Variants in SLC25A21 observed in about 807,000 individuals in gnomAD.
SLC25A21 encodes mitochondrial 2-oxodicarboxylate carrier.
SLC25A21 carries 47 observed loss-of-function variants against 43.8 expected under a neutral mutation model. The ratio of observed to expected loss-of-function variants is 1.07; its 90% CI spans 0.85 to 1.37. The LOEUF (loss-of-function observed/expected upper bound fraction) is 1.37, where lower values mean the gene tolerates loss of function less well. SLC25A21 is among the 40% of genes most tolerant of loss of function. The pLI is 0.00. For missense variants in SLC25A21, 352 were observed against 350.2 expected (o/e 1.00, Z -0.04); for synonymous variants, 131 against 121.3 (o/e 1.08, Z -0.52).
At chr14:36,828,967 T>C (rs1003413053) in intron 2 of SLC25A21, among the ~76,000 whole-genome samples, 3 of 152,050 alleles carry the variant, frequency 2.0e-5, no homozygotes, top group African/African-American at 7.2e-5. Context: ...AGTGGTGAAA[T>C]CTCACCTCAC....
At chr14:36,983,683 C>G (rs1178312971) in intron 1 of SLC25A21, among the ~76,000 whole-genome samples, 1 of 152,176 alleles carries the variant, frequency 6.6e-6, no homozygotes, top group Non-Finnish European at 1.5e-5. Flanking sequence ...ATCACCTGCA[C>G]TCGAATGTTT....
chr14:36,950,458 G>A (rs902896738), intron 1 of SLC25A21, among the ~76,000 whole-genome samples: 2 of 152,156 alleles, frequency 1.3e-5, no homozygotes, highest in Non-Finnish European at 2.9e-5. Context: ...TGAGAACATA[G>A]CAAGAAAGTT....
intron 1 of SLC25A21, among the ~76,000 whole-genome samples, chr14:37,098,734 TAGATAGATAGATAGACAGACAGAC>T (rs1279143101): frequency 0.016 from 149 of 9,238 alleles, 1 homozygote; most frequent in South Asian, 0.026. Flanking sequence ...GATAGATAGA[TAGATAGATAGATAGACAGACAGAC>T]AGACAGACAG....
At chr14:36,735,860 AGCTTATGGATCT>A (rs1367220615) in intron 3 of SLC25A21, among the ~76,000 whole-genome samples, 179 of 147,968 alleles carry the variant, frequency 1.2e-3, no homozygotes, top group Middle Eastern at 0.01. Context: ...ATATTTGTTA[AGCTTATGGATCT>A]CATAAAGAGG....
intron 3 of SLC25A21, among the ~76,000 whole-genome samples, chr14:36,762,888 T>A (rs1430129799): frequency 6.6e-6 from 1 of 152,328 alleles, no homozygotes; most frequent in South Asian, 2.1e-4. Flanking sequence ...TAAGAATACG[T>A]CATTATCTTG....
intron 6 of SLC25A21, among the ~76,000 whole-genome samples, chr14:36,714,434 C>T (rs1594516257): frequency 6.6e-6 from 1 of 152,286 alleles, no homozygotes; most frequent in East Asian, 1.9e-4. Context: ...CAGTGCCTCA[C>T]CCAGGAGCTT....
At chr14:37,042,800 C>T (rs776124453) in intron 1 of SLC25A21, among the ~76,000 whole-genome samples, 2 of 152,166 alleles carry the variant, frequency 1.3e-5, no homozygotes, top group African/African-American at 4.8e-5. Context: ...AGCTATCATT[C>T]TCTTACCTTT....
intron 1 of SLC25A21, among the ~76,000 whole-genome samples, chr14:37,073,862 T>C (rs1177478206): frequency 6.6e-6 from 1 of 152,080 alleles, no homozygotes; most frequent in East Asian, 1.9e-4. Context: ...TTAACCATTT[T>C]CGCATATTTC....
chr14:36,915,500 A>G (rs1166509454), intron 1 of SLC25A21, among the ~76,000 whole-genome samples: 1 of 152,172 alleles, frequency 6.6e-6, no homozygotes, highest in Non-Finnish European at 1.5e-5. Flanking sequence ...ACCAGAAAAT[A>G]ATACTGTCCA....
intron 1 of SLC25A21, among the ~76,000 whole-genome samples, chr14:37,163,049 C>T (rs2138951805): frequency 6.6e-6 from 1 of 151,784 alleles, no homozygotes; most frequent in African/African-American, 2.4e-5. Context: ...GAACAAAAAA[C>T]CAAACACCGC....
At chr14:36,704,708 G>A (rs915916038) in intron 7 of SLC25A21, among the ~76,000 whole-genome samples, 1 of 151,178 alleles carries the variant, frequency 6.6e-6, no homozygotes, top group Non-Finnish European at 1.5e-5. Context: ...AAAAAAACAA[G>A]GTAAAATGTA....
intron 3 of SLC25A21, among the ~76,000 whole-genome samples, chr14:36,755,259 G>A (rs1885879049): frequency 6.6e-6 from 1 of 152,198 alleles, no homozygotes; most frequent in Admixed American, 6.5e-5. Context: ...CCTATTCACT[G>A]AAGAAGCAAC....
intron 2 of SLC25A21, among the ~76,000 whole-genome samples, chr14:36,853,716 G>A (rs977872692): frequency 1.3e-5 from 2 of 152,192 alleles, no homozygotes; most frequent in Non-Finnish European, 1.5e-5. Context: ...TCTTGGTTCT[G>A]CTGGACCAGC....
intron 1 of SLC25A21, among the ~76,000 whole-genome samples, chr14:37,003,656 T>C (rs973042185): frequency 6.6e-6 from 1 of 152,094 alleles, no homozygotes; most frequent in African/African-American, 2.4e-5. Context: ...CAGCCAGACA[T>C]AAAACATTAT....
intron 1 of SLC25A21, among the ~76,000 whole-genome samples, chr14:37,020,990 G>A (rs1159560120): frequency 6.6e-6 from 1 of 151,960 alleles, no homozygotes; most frequent in African/African-American, 2.4e-5. Context: ...CATTTGTTAA[G>A]CCAGACGTTT....
chr14:36,766,060 A>G (rs559775618), intron 3 of SLC25A21, among the ~76,000 whole-genome samples: 4 of 151,068 alleles, frequency 2.6e-5, no homozygotes, highest in Admixed American at 2.0e-4. Context: ...TATCATTTTT[A>G]CACACCCCTC....
At chr14:36,879,502 G>C (rs1890645424) in intron 1 of SLC25A21, among the ~76,000 whole-genome samples, 1 of 151,760 alleles carries the variant, frequency 6.6e-6, no homozygotes, top group Admixed American at 6.6e-5. Flanking sequence ...TCATGTTAGT[G>C]AGCATGACTA....
intron 1 of SLC25A21, among the ~76,000 whole-genome samples, chr14:37,060,245 T>G (rs1961916164): frequency 1.3e-5 from 2 of 151,758 alleles, no homozygotes. Context: ...CACACCAGAA[T>G]CCGATCATGC....
intron 1 of SLC25A21, among the ~76,000 whole-genome samples, chr14:37,115,147 G>A (rs1052052736): frequency 1.3e-5 from 2 of 152,130 alleles, no homozygotes; most frequent in African/African-American, 2.4e-5. Flanking sequence ...TGTCCTAGAC[G>A]TTCTGGCATC....
Sources: allele counts gnomAD v4.1 joint callset (sites outside exome capture counted in the v4.1 genomes callset), GRCh38; gene constraint gnomAD v4.1.1; transcripts MANE v1.5; gene names NCBI Gene and HGNC (gene_info 2026-07-23, HGNC 2026-07-21).